Variants in MYO9A observed in about 807,000 individuals in gnomAD.
MYO9A encodes unconventional myosin-IXa.
MYO9A carries 103 observed loss-of-function variants against 293.3 expected under a neutral mutation model. That is an observed-to-expected ratio of 0.35 (90% CI 0.30 to 0.41). The LOEUF is 0.41. MYO9A is among the 10% of genes least tolerant of loss of function. The pLI, the probability that MYO9A is intolerant of heterozygous loss-of-function variation, is 1.00. For missense variants in MYO9A, 2,685 were observed against 3,033.0 expected, an observed-to-expected ratio of 0.89 and a Z score of 2.69; for synonymous variants, 1,001 against 1,035.7, an observed-to-expected ratio of 0.97 and a Z score of 0.64.
At chr15:71,960,155 G>A in intron 13 of MYO9A, 59 bp from the exon 14 acceptor site, 1 of 1,463,720 alleles carries the variant, frequency 6.8e-7, no homozygotes, top group Non-Finnish European at 9.5e-7. Context: ...AAAACAAGAT[G>A]ACGGGTGATA....
intron 9 of MYO9A, chr15:71,998,957 T>C (rs1596347909): frequency 6.6e-6 from 1 of 152,306 alleles, no homozygotes. Context: ...ATGTGCCACA[T>C]TTTCTTAATC....
At chr15:72,080,276 A>T (rs961254694) in intron 1 of MYO9A, among the ~76,000 whole-genome samples, 3 of 146,916 alleles carry the variant, frequency 2.0e-5, no homozygotes, top group African/African-American at 7.6e-5. Context: ...TCAACTAACA[A>T]CGTACCAATC....
At chr15:71,847,373 T>C (rs2055432485) in intron 39 of MYO9A, 1 of 431,588 alleles carries the variant, frequency 2.3e-6, no homozygotes, top group Non-Finnish European at 4.8e-6. Flanking sequence ...CGAGAGACAA[T>C]AATGTAGAGT....
rs57300333 is a variant in MYO9A, at chr15:71,867,798, T to TCACACACACACACACACACA, written c.5980-5207_5980-5188dup. On this transcript the variant is annotated intron_variant, in intron 32 of 41. Coordinates refer to ENST00000356056, the MANE Select transcript of MYO9A (RefSeq NM_006901.4). ...CACTAATTTCAATTCTGGGAATCCATCACACACACACACACACACACACAC... is the reference window on the plus strand; with the variant it reads ...CACTAATTTCAATTCTGGGAATCCATCACACACACACACACACACACACACACACACACACACACACACAC... 2.8e-3 allele frequency among the ~76,000 whole-genome samples: 361 copies of TCACACACACACACACACACA among 127,602 alleles called. 4 individuals are homozygous for TCACACACACACACACACACA. The highest frequency in any genetic ancestry group is 0.01 in the African/African-American group (345 of 33,678). The allele number at this position is 127,602 out of a possible 152,430, so 83.7% of individuals were successfully genotyped here. A position where few individuals can be genotyped will look rare whatever the true frequency, so the allele number is the denominator to read the frequency against.
Position 71,826,733 on chromosome 15 carries a change from G to C in MYO9A, c.7494C>G (p.Gly2498=), listed in dbSNP as rs146450231. 9.9e-6 allele frequency: 16 copies of C among 1,614,070 alleles called. No individual in the cohort carries two copies. The Admixed American group carries it at 2.5e-4, about 25-fold the overall frequency. ...ISRGTFNPEK[G]KQKLKNVKNS... is the part of the protein sequence containing the mutation. ...TTTTCACATTCTTTAATTTTTGTTTGCCCTTTTCCGGGTTGAAGGTTCCTC... is the reference window on the plus strand; with the variant it reads ...TTTTCACATTCTTTAATTTTTGTTTCCCCTTTTCCGGGTTGAAGGTTCCTC... Residue 2498 remains glycine (G), a synonymous_variant, in exon 42 of 42, where the codon GGC becomes GGG. Transcript: ENST00000356056.
chr15:71,884,293 T>C (rs1051800608), intron 27 of MYO9A, among the ~76,000 whole-genome samples: 2 of 152,194 alleles, frequency 1.3e-5, no homozygotes, highest in African/African-American at 4.8e-5. Context: ...ATTTTAAATC[T>C]TTCCACTCAC....
At position 71,959,975 on chromosome 15, in the gene MYO9A, G is replaced by A. The variant is rs1464699635; in HGVS notation, c.2108C>T (p.Ala703Val). 1.9e-6 allele frequency: 3 copies of A among 1,613,818 alleles called. No individual in the cohort carries two copies. The highest frequency in any genetic ancestry group is 2.7e-5 in the African/African-American group (2 of 74,852). The change falls in exon 14 of 42, where the codon GCA becomes GTA. Residue 703 changes from alanine (A) to valine (V), a missense_variant. Ala to Val is a moderately conservative substitution (Grantham distance 64). This residue lies in a region of MYO9A where 201 missense variants were observed against 245.2 expected (regional missense o/e 0.82). Transcript: ENST00000356056. ...GIDPVAVFRWAILRAFFRAMV... is the reference protein window; with the variant it reads ...GIDPVAVFRWVILRAFFRAMV... Reference sequence around the variant, plus strand: ...GGCTCTGAAAAAAGCTCGGAGAATTGCCCATCGGAAAACAGCTACAGGATC... The same window carrying A: ...GGCTCTGAAAAAAGCTCGGAGAATTACCCATCGGAAAACAGCTACAGGATC...
At position 72,027,809 on chromosome 15, in the gene MYO9A, A is replaced by C. The variant is rs28636054; in HGVS notation, c.936-16T>G. On this transcript the variant is annotated splice_polypyrimidine_tract_variant and intron_variant, in intron 3 of 41. Coordinates refer to ENST00000356056, the MANE Select transcript of MYO9A (RefSeq NM_006901.4). ...AACATAGGCACTACAAGAAAAATTA[A>C]ATTGGTTGATATAAATAATAAAGTT... 1,622 of 1,571,988 alleles carry C rather than the reference A, an allele frequency of 1.0e-3. 17 individuals carry two copies. In the African/African-American group the frequency reaches 0.019, roughly 19 times the overall value.
chr15:71,952,806 C>G (rs1029158776), intron 14 of MYO9A, among the ~76,000 whole-genome samples: 13 of 152,162 alleles, frequency 8.5e-5, no homozygotes. Context: ...CTGCATTTTA[C>G]TGTATAATTA....
chr15:71,891,015 T>G (rs557097413), intron 26 of MYO9A: 1 of 152,282 alleles, frequency 6.6e-6, no homozygotes, highest in East Asian at 1.9e-4. Flanking sequence ...ACGTGGAATA[T>G]TCTCAAGATA....
At chr15:71,843,897 A>AT (rs1372471959) in intron 39 of MYO9A, among the ~76,000 whole-genome samples, 1 of 152,152 alleles carries the variant, frequency 6.6e-6, no homozygotes, top group African/African-American at 2.4e-5. Flanking sequence ...AAGCACCAAA[A>AT]TTTACATTAA....
intron 15 of MYO9A, among the ~76,000 whole-genome samples, chr15:71,947,300 AG>A (rs2058941266): frequency 6.6e-6 from 1 of 150,576 alleles, no homozygotes; most frequent in Non-Finnish European, 1.5e-5. Flanking sequence ...AAAAAAAAAA[AG>A]TTTTATTTAC....
chr15:71,990,477 T>C (rs1284037913), intron 11 of MYO9A, among the ~76,000 whole-genome samples: 1 of 152,062 alleles, frequency 6.6e-6, no homozygotes, highest in Non-Finnish European at 1.5e-5. Context: ...AGATTTAGGC[T>C]GGGCGCAGTG....
intron 1 of MYO9A, among the ~76,000 whole-genome samples, chr15:72,074,880 T>C (rs2079297591): frequency 6.6e-6 from 1 of 151,956 alleles, no homozygotes; most frequent in African/African-American, 2.4e-5. Flanking sequence ...TTTAGTCCCT[T>C]TTTTGATCTG....
intron 26 of MYO9A, chr15:71,890,684 T>C (rs1007979737): frequency 6.6e-6 from 1 of 152,124 alleles, no homozygotes; most frequent in Non-Finnish European, 1.5e-5. Context: ...ACTACTACAC[T>C]TGTTTCCCCT....
Position 71,898,963 on chromosome 15 carries a change from T to A in MYO9A, c.3540A>T (p.Gly1180=). 6.2e-7 allele frequency: 1 copy of A among 1,613,780 alleles called. No homozygotes were observed. The highest frequency in any genetic ancestry group is 8.5e-7 in the Non-Finnish European group (1 of 1,179,688). ...KPEVGLVNIK[G]YGSLEIQGSD... ...AACCCTGAATTTCCAGAGATCCATA[T>A]CCCTTAATATTCACCAATCCAACTT... Residue 1180 remains glycine, a synonymous_variant, in exon 25 of 42, where the codon GGA becomes GGT. Coordinates refer to ENST00000356056, the MANE Select transcript of MYO9A (RefSeq NM_006901.4).
chr15:71,896,322 T>C (rs2057325109), intron 25 of MYO9A, among the ~76,000 whole-genome samples: 1 of 152,214 alleles, frequency 6.6e-6, no homozygotes, highest in African/African-American at 2.4e-5. Context: ...AACCCAAAGA[T>C]ACAGCCCTCC....
chr15:71,893,060 T>A, intron 26 of MYO9A: 1 of 1,289,898 alleles, frequency 7.8e-7, no homozygotes, highest in Non-Finnish European at 1.0e-6. Context: ...GGCTCAATAA[T>A]GTCATCGTAA....
At chr15:72,023,644 G>A (rs953895170) in intron 4 of MYO9A, among the ~76,000 whole-genome samples, 9 of 143,752 alleles carry the variant, frequency 6.3e-5, no homozygotes, top group African/African-American at 2.1e-4. Context: ...GTACTAAGCT[G>A]AGATCACACC....
Sources: allele counts gnomAD v4.1 joint callset (sites outside exome capture counted in the v4.1 genomes callset), GRCh38; gene constraint gnomAD v4.1.1; regional missense constraint gnomAD v4.1.1; transcripts MANE v1.5; gene names NCBI Gene and HGNC (gene_info 2026-07-23, HGNC 2026-07-21).